The following RORA variants were observed in gnomAD, a reference collection of about 807,000 sequenced individuals.
RORA encodes the protein nuclear receptor ROR-alpha.
In RORA, 7 loss-of-function variants were observed where a neutral mutation model predicts 69.5. That is an observed-to-expected ratio of 0.10 (90% CI 0.06 to 0.19). The LOEUF (loss-of-function observed/expected upper bound fraction) is 0.19. Ranked by LOEUF, RORA falls within the 10% of genes least tolerant of loss-of-function variation. The pLI is 1.00. For missense variants in RORA, 457 were observed against 663.0 expected (o/e 0.69, Z 3.41); for synonymous variants, 261 against 240.8 (o/e 1.08, Z -0.78).
chr15:60,731,465 A>C (rs1490525773), intron 1 of RORA, among the ~76,000 whole-genome samples: 1 of 152,220 alleles, frequency 6.6e-6, no homozygotes, highest in African/African-American at 2.4e-5. Flanking sequence ...AAAATAGAGA[A>C]GATGTACTGA....
chr15:60,717,326 A>G (rs2140817997), intron 1 of RORA, among the ~76,000 whole-genome samples: 1 of 152,314 alleles, frequency 6.6e-6, no homozygotes, highest in East Asian at 1.9e-4. Flanking sequence ...TGGTAGATAA[A>G]TGAGAGAATG....
intron 1 of RORA, among the ~76,000 whole-genome samples, chr15:60,986,921 G>A (rs1016060863): frequency 2.6e-5 from 4 of 152,080 alleles, no homozygotes; most frequent in African/African-American, 4.8e-5. Flanking sequence ...TCCGCAGACC[G>A]GGTGATTAAA....
chr15:60,614,191 C>T (rs1259769439), intron 2 of RORA, among the ~76,000 whole-genome samples: 3 of 151,916 alleles, frequency 2.0e-5, no homozygotes, highest in Non-Finnish European at 2.9e-5. Flanking sequence ...CAATGCCTGT[C>T]GGTTGAAAAA....
chr15:61,073,976 C>T (rs965609503), intron 1 of RORA, among the ~76,000 whole-genome samples: 1 of 152,220 alleles, frequency 6.6e-6, no homozygotes, highest in Non-Finnish European at 1.5e-5. Context: ...CATCTTACCA[C>T]TCATAACTGA....
At chr15:60,739,046 C>A (rs2071539588) in intron 1 of RORA, among the ~76,000 whole-genome samples, 1 of 152,164 alleles carries the variant, frequency 6.6e-6, no homozygotes, top group Non-Finnish European at 1.5e-5. Flanking sequence ...CTCGGAACAG[C>A]CTTATTTTTC....
intron 1 of RORA, among the ~76,000 whole-genome samples, chr15:60,804,142 G>T (rs1008227174): frequency 6.6e-6 from 1 of 151,944 alleles, no homozygotes; most frequent in African/African-American, 2.4e-5. Flanking sequence ...TACAAAATTA[G>T]CCAGGCGTGG....
At chr15:60,889,530 C>T (rs978224295) in intron 1 of RORA, among the ~76,000 whole-genome samples, 6 of 152,284 alleles carry the variant, frequency 3.9e-5, no homozygotes, top group Non-Finnish European at 7.3e-5. Context: ...CACAGTTGTA[C>T]GAAGGCAAAG....
At chr15:60,978,959 C>CCCTTTTTTTT (rs1423510527) in intron 1 of RORA, among the ~76,000 whole-genome samples, 7 of 48,978 alleles carry the variant, frequency 1.4e-4, no homozygotes, top group African/African-American at 4.4e-4. Flanking sequence ...TCCAACTTTG[C>CCCTTTTTTTT]TCTTTTTTTT....
At chr15:61,044,236 T>C (rs1324472904) in intron 1 of RORA, among the ~76,000 whole-genome samples, 2 of 152,234 alleles carry the variant, frequency 1.3e-5, no homozygotes, top group South Asian at 4.1e-4. Context: ...CTAAGATTCA[T>C]GCCTTTCAGA....
intron 2 of RORA, among the ~76,000 whole-genome samples, chr15:60,629,501 T>C (rs1268698685): frequency 3.3e-5 from 5 of 152,204 alleles, no homozygotes; most frequent in Non-Finnish European, 5.9e-5. Flanking sequence ...ACATAGTGGT[T>C]CTCAAATTGT....
chr15:61,186,153 C>T lies in RORA; in HGVS notation c.166+42900G>A, dbSNP rs567625333. Among the ~76,000 whole-genome samples the T allele has an allele frequency of 4.6e-5, 7 of 152,354 alleles. No homozygotes were observed. In the East Asian group the frequency reaches 1.3e-3, roughly 29 times the overall value. ...ATTTAACTGCTATCATTTAAGCCTT[C>T]ATATGCATCTGTCATGTCTTTGATT... On this transcript the variant is annotated intron_variant, in intron 1 of 10. Transcript: ENST00000335670.
chr15:61,008,065 T>G (rs904598852), intron 1 of RORA, among the ~76,000 whole-genome samples: 1 of 151,982 alleles, frequency 6.6e-6, no homozygotes, highest in Non-Finnish European at 1.5e-5. Flanking sequence ...GTTTTATTTT[T>G]AAATGTAAAT....
At chr15:60,831,597 C>T (rs907236646) in intron 1 of RORA, among the ~76,000 whole-genome samples, 3 of 152,106 alleles carry the variant, frequency 2.0e-5, no homozygotes, top group Non-Finnish European at 4.4e-5. Flanking sequence ...ATACAAAACA[C>T]CATATCCATG....
chr15:60,561,258 T>A (rs1321959355), intron 2 of RORA, among the ~76,000 whole-genome samples: 3 of 151,716 alleles, frequency 2.0e-5, no homozygotes, highest in African/African-American at 7.3e-5. Flanking sequence ...ATTTTTTGTA[T>A]TTTTAGTAGA....
At chr15:60,499,409 A>G (rs1461303357) in intron 10 of RORA, among the ~76,000 whole-genome samples, 1 of 152,188 alleles carries the variant, frequency 6.6e-6, no homozygotes, top group African/African-American at 2.4e-5. Flanking sequence ...GGTAGCACAT[A>G]TACCTGTAGT....
At position 61,178,324 on chromosome 15, in the gene RORA, A is replaced by C. The variant is rs62007611; in HGVS notation, c.166+50729T>G. Among the ~76,000 whole-genome samples the C allele has an allele frequency of 1.9e-3, 288 of 152,368 alleles. 2 individuals carry two copies. Among genetic ancestry groups the C allele is most frequent in the Middle Eastern group, 0.01 (3 of 294 alleles). On this transcript the variant is annotated intron_variant, in intron 1 of 10. Transcript: ENST00000335670. The stretch of plus-strand genomic sequence containing the variant: ...ACAGAAGGCAAGGAAAATTGAATAC[A>C]GAAGCTTGCAACTTGAATTATTCGG...
chr15:60,638,386 C>CTTTTTTTT (rs375782514), intron 2 of RORA, among the ~76,000 whole-genome samples: 16 of 117,908 alleles, frequency 1.4e-4, no homozygotes, highest in African/African-American at 4.4e-4. Flanking sequence ...ATTTTCTTTT[C>CTTTTTTTT]TTTTTTTTTT....
At chr15:61,034,086 G>A (rs1896327189) in intron 1 of RORA, among the ~76,000 whole-genome samples, 1 of 152,068 alleles carries the variant, frequency 6.6e-6, no homozygotes, top group East Asian at 1.9e-4. Flanking sequence ...TAGTTCAATT[G>A]GACAGTCCTG....
intron 1 of RORA, among the ~76,000 whole-genome samples, chr15:60,733,802 G>A (rs1351367247): frequency 6.6e-6 from 1 of 152,104 alleles, no homozygotes; most frequent in Non-Finnish European, 1.5e-5. Flanking sequence ...TGGCCTGCTA[G>A]GATTTTTCAG....
Sources: gnomAD v4.1 joint callset for allele counts (sites outside exome capture counted in the v4.1 genomes callset) on GRCh38, gnomAD v4.1.1 for gene constraint, MANE v1.5 for transcripts, NCBI Gene and HGNC (gene_info 2026-07-23, HGNC 2026-07-21) for gene names.